Variants in STARD13 observed in about 807,000 individuals in gnomAD.
STARD13 encodes the protein StAR related lipid transfer domain containing 13.
Under a neutral mutation model 106.4 loss-of-function variants are expected in STARD13, and 62 were observed. That is an observed-to-expected ratio of 0.58 (90% confidence interval 0.48 to 0.72). The LOEUF is 0.72. Among genes scored for constraint, STARD13 ranks in the 30% least tolerant of loss-of-function variants. The probability of loss-of-function intolerance (pLI) is 0.00; values close to 1 mark genes in which losing one functional copy is unlikely to be tolerated. For synonymous variants in STARD13, 565 were observed against 553.0 expected, an observed-to-expected ratio of 1.02 and a Z score of -0.31; for missense variants, 1,387 against 1,424.0, an observed-to-expected ratio of 0.97 and a Z score of 0.42.
At chr13:33,576,890 T>G in the STARD13 span, among the ~76,000 whole-genome samples, 1 of 152,232 alleles carries the variant, frequency 6.6e-6, no homozygotes, top group Non-Finnish European at 1.5e-5. Context: ...AAAGGCATTC[T>G]TAGTGATTTT....
chr13:33,518,442 T>A, the STARD13 span, among the ~76,000 whole-genome samples: 1 of 152,062 alleles, frequency 6.6e-6, no homozygotes, highest in Non-Finnish European at 1.5e-5. Context: ...AAGATAACAT[T>A]CGTGCAGCTC....
the STARD13 span, among the ~76,000 whole-genome samples, chr13:33,439,256 A>C: frequency 6.6e-6 from 1 of 152,268 alleles, no homozygotes; most frequent in Non-Finnish European, 1.5e-5. Flanking sequence ...TCAGATTTAT[A>C]CAGAACATTT....
At chr13:33,351,991 T>A (rs2078083340), upstream of STARD13, among the ~76,000 whole-genome samples, 1 of 152,246 alleles carries the variant, frequency 6.6e-6, no homozygotes, top group African/African-American at 2.4e-5. Flanking sequence ...GTCTTTATTG[T>A]CTTATTTTGT....
chr13:33,518,675 C>G, the STARD13 span, among the ~76,000 whole-genome samples: 2 of 152,012 alleles, frequency 1.3e-5, no homozygotes, highest in Non-Finnish European at 2.9e-5. Context: ...GCAAGTGGCA[C>G]AGTTTGATAA....
the STARD13 span, among the ~76,000 whole-genome samples, chr13:33,631,183 A>G: frequency 1.3e-5 from 2 of 152,312 alleles, no homozygotes; most frequent in Admixed American, 6.5e-5. Flanking sequence ...TTACCCAATA[A>G]TCTTTTACTA....
the STARD13 span, among the ~76,000 whole-genome samples, chr13:33,469,475 C>T: frequency 6.6e-5 from 10 of 152,334 alleles, no homozygotes; most frequent in South Asian, 2.1e-3. Context: ...ATCCCCCTCA[C>T]TCTGAGTATT....
At chr13:33,190,588 CTTT>C (rs71196510) in intron 1 of STARD13, among the ~76,000 whole-genome samples, 7 of 131,176 alleles carry the variant, frequency 5.3e-5, no homozygotes, top group Non-Finnish European at 9.6e-5. Context: ...CTTTTCTTTT[CTTT>C]TTTTTTTTTT....
At chr13:33,149,202 G>T (rs1880944076) in intron 3 of STARD13, among the ~76,000 whole-genome samples, 1 of 152,020 alleles carries the variant, frequency 6.6e-6, no homozygotes, top group South Asian at 2.1e-4. Context: ...GAGAATTTGG[G>T]TGATAATGAT....
intron 1 of STARD13, among the ~76,000 whole-genome samples, chr13:33,322,440 T>G (rs1027050648): frequency 2.0e-5 from 3 of 152,222 alleles, no homozygotes; most frequent in Non-Finnish European, 2.9e-5. Flanking sequence ...CATTAAAAAA[T>G]GTATCTGATA....
chr13:33,659,610 A>G, the STARD13 span, among the ~76,000 whole-genome samples: 2 of 152,228 alleles, frequency 1.3e-5, no homozygotes, highest in Non-Finnish European at 2.9e-5. Flanking sequence ...AGATAGCACC[A>G]GAACTGAATT....
At chr13:33,159,948 C>G (rs969820310) in intron 3 of STARD13, among the ~76,000 whole-genome samples, 3 of 152,096 alleles carry the variant, frequency 2.0e-5, no homozygotes, top group Non-Finnish European at 4.4e-5. Flanking sequence ...AATCAAAACT[C>G]CTTTAGGATT....
At chr13:33,340,039 C>A (rs1161532742) in intron 1 of STARD13, among the ~76,000 whole-genome samples, 1 of 152,170 alleles carries the variant, frequency 6.6e-6, no homozygotes, top group Non-Finnish European at 1.5e-5. Context: ...AACTCAACAT[C>A]AGGTAAGGGA....
At chr13:33,666,004 T>TCC in the STARD13 span, among the ~76,000 whole-genome samples, 293 of 152,298 alleles carry the variant, frequency 1.9e-3, 2 homozygotes, top group African/African-American at 6.6e-3. Context: ...CAAAAAGACC[T>TCC]CTGACTTGTC....
the STARD13 span, among the ~76,000 whole-genome samples, chr13:33,636,139 C>CAAA: frequency 4.5e-4 from 21 of 47,160 alleles, no homozygotes; most frequent in African/African-American, 5.2e-4. Flanking sequence ...GACTCTGTCT[C>CAAA]AAAAAAAAAA....
intron 1 of STARD13, among the ~76,000 whole-genome samples, chr13:33,284,335 A>C (rs944614785): frequency 3.3e-5 from 5 of 152,242 alleles, no homozygotes; most frequent in African/African-American, 9.6e-5. Context: ...TCTTTCTGGA[A>C]ACATTACAAT....
chr13:33,662,602 G>T, the STARD13 span, among the ~76,000 whole-genome samples: 5 of 152,242 alleles, frequency 3.3e-5, no homozygotes, highest in Admixed American at 3.3e-4. Context: ...TCAGGCCATG[G>T]TCACAAGCCA....
At chr13:33,242,552 CAT>C (rs1889582197) in intron 1 of STARD13, among the ~76,000 whole-genome samples, 1 of 152,186 alleles carries the variant, frequency 6.6e-6, no homozygotes, top group Non-Finnish European at 1.5e-5. Flanking sequence ...TTGAAGGCAG[CAT>C]ACTCCTTAAG....
chr13:33,283,962 T>C (rs911824084), intron 1 of STARD13, among the ~76,000 whole-genome samples: 5 of 152,230 alleles, frequency 3.3e-5, no homozygotes, highest in African/African-American at 1.2e-4. Context: ...ATGATATGCA[T>C]GCTGAGGAAC....
At chr13:33,478,102 G>A in the STARD13 span, among the ~76,000 whole-genome samples, 3 of 152,128 alleles carry the variant, frequency 2.0e-5, no homozygotes, top group Admixed American at 6.5e-5. Context: ...TTTCCTGCAT[G>A]TAACTACATT....
Sources: gnomAD v4.1 joint callset for allele counts (sites outside exome capture counted in the v4.1 genomes callset) on GRCh38, gnomAD v4.1.1 for gene constraint, MANE v1.5 for transcripts, NCBI Gene and HGNC (gene_info 2026-07-23, HGNC 2026-07-21) for gene names.